TTC39B: variants seen among roughly 807,000 people sequenced by gnomAD.
The protein encoded by TTC39B is tetratricopeptide repeat domain 39B.
Under a neutral mutation model 96.6 loss-of-function variants are expected in TTC39B, and 92 were observed. That is an observed-to-expected ratio of 0.95 (90% CI 0.80 to 1.13). TTC39B has a LOEUF of 1.13. Ranked by LOEUF, TTC39B falls within the 50% of genes most tolerant of loss-of-function variation. The pLI, the probability that TTC39B is intolerant of heterozygous loss-of-function variation, is 0.00. For missense variants in TTC39B, 955 were observed against 809.3 expected, an observed-to-expected ratio of 1.18 and a Z score of -2.18; for synonymous variants, 367 against 299.4, an observed-to-expected ratio of 1.23 and a Z score of -2.33.
chr9:15,216,055 G>T (rs1030366413), intron 3 of TTC39B, among the ~76,000 whole-genome samples: 1 of 151,950 alleles, frequency 6.6e-6, no homozygotes, highest in Non-Finnish European at 1.5e-5. Context: ...CTCCTCGCAG[G>T]TCTTCTCAAG....
chr9:15,164,664 C>T (rs1430484399), exon 20 of TTC39B: 1 of 151,602 alleles, frequency 6.6e-6, no homozygotes, highest in Non-Finnish European at 1.5e-5. Flanking sequence ...TGAACATCTG[C>T]AAATCAATAT....
intron 7 of TTC39B, among the ~76,000 whole-genome samples, chr9:15,202,347 C>T (rs67284930): frequency 0.12 from 18,226 of 151,970 alleles, 1,641 homozygotes; most frequent in East Asian, 0.51. Flanking sequence ...ACAGTGATTC[C>T]GTTTTACTAA....
At chr9:15,305,016 A>G (rs576399698) in intron 1 of TTC39B, among the ~76,000 whole-genome samples, 1 of 152,150 alleles carries the variant, frequency 6.6e-6, no homozygotes, top group African/African-American at 2.4e-5. Flanking sequence ...TATCAATATC[A>G]AATAAAGACT....
At position 15,270,738 on chromosome 9, in the gene TTC39B, T is replaced by C. The variant is rs1823317922; in HGVS notation, c.241-2790A>G. Among the ~76,000 whole-genome samples, 3 of 123,686 alleles carry C rather than the reference T, an allele frequency of 2.4e-5. No individual in the cohort carries two copies. In the South Asian group the frequency reaches 7.5e-4, roughly 31 times the overall value. The allele number at this position is 123,686 out of a possible 152,430, so 81.1% of individuals were successfully genotyped here. On this transcript the variant is annotated intron_variant, in intron 1 of 19. Coordinates refer to ENST00000512701, the Ensembl canonical transcript of TTC39B. ...CAGTATAGTAAGACCCTGTATCTAA[T>C]AACTTTTTTATTTAAAAAAAAAAAC...
intron 3 of TTC39B, among the ~76,000 whole-genome samples, chr9:15,218,967 G>A (rs932745032): frequency 2.6e-5 from 4 of 151,902 alleles, no homozygotes; most frequent in African/African-American, 4.8e-5. Context: ...ATTTTTACTC[G>A]CTTATGTTAG....
intron 3 of TTC39B, among the ~76,000 whole-genome samples, chr9:15,221,722 G>T (rs1304225680): frequency 2.0e-5 from 3 of 152,182 alleles, no homozygotes; most frequent in African/African-American, 4.8e-5. Context: ...TTAACAGAAA[G>T]AGTTGGGTTT....
At chr9:15,262,351 A>G (rs1037315707) in intron 2 of TTC39B, among the ~76,000 whole-genome samples, 2 of 152,112 alleles carry the variant, frequency 1.3e-5, no homozygotes, top group Non-Finnish European at 2.9e-5. Flanking sequence ...CACCCACCTC[A>G]GCCTCCCAAA....
At chr9:15,209,527 T>C (rs1213315639) in intron 6 of TTC39B, among the ~76,000 whole-genome samples, 1 of 152,210 alleles carries the variant, frequency 6.6e-6, no homozygotes, top group African/African-American at 2.4e-5. Flanking sequence ...CTGACCTATA[T>C]GTAGAAAAAA....
intron 2 of TTC39B, among the ~76,000 whole-genome samples, chr9:15,246,255 T>C (rs754678331): frequency 2.7e-4 from 41 of 152,060 alleles, no homozygotes; most frequent in Admixed American, 7.9e-4. Context: ...GGAAACTCCA[T>C]CTCAAAAAAT....
At chr9:15,256,267 A>G (rs1390277138) in intron 2 of TTC39B, among the ~76,000 whole-genome samples, 6 of 152,000 alleles carry the variant, frequency 3.9e-5, no homozygotes, top group Admixed American at 2.0e-4. Context: ...TCTATGAGGA[A>G]TGGGCCCTCA....
intron 2 of TTC39B, among the ~76,000 whole-genome samples, chr9:15,253,081 G>A (rs1004352678): frequency 3.9e-5 from 6 of 152,304 alleles, no homozygotes; most frequent in African/African-American, 1.4e-4. Context: ...AAACATATGT[G>A]TATCGTTCCA....
At chr9:15,240,822 T>C (rs1053683673) in intron 2 of TTC39B, among the ~76,000 whole-genome samples, 1 of 152,178 alleles carries the variant, frequency 6.6e-6, no homozygotes, top group African/African-American at 2.4e-5. Context: ...AAAAAGTCAG[T>C]TCTTGAATGT....
exon 20 of TTC39B, chr9:15,169,818 T>C (rs1817595171): frequency 6.6e-6 from 1 of 152,166 alleles, no homozygotes; most frequent in Non-Finnish European, 1.5e-5. Flanking sequence ...TTTATATTTG[T>C]TTAGTAATGC....
chr9:15,220,201 G>A (rs774551944), intron 3 of TTC39B, among the ~76,000 whole-genome samples: 3 of 152,160 alleles, frequency 2.0e-5, no homozygotes, highest in Admixed American at 6.5e-5. Context: ...CAAGTCCCCT[G>A]CACCTGTGGA....
At chr9:15,170,646 G>A (rs113854994) in exon 20 of TTC39B, 6 of 152,184 alleles carry the variant, frequency 3.9e-5, no homozygotes, top group African/African-American at 1.2e-4. Context: ...AGATGAACTC[G>A]TGACTCCCAA....
exon 3 of TTC39B, chr9:15,225,925 A>G: frequency 6.2e-7 from 1 of 1,613,726 alleles, no homozygotes; most frequent in South Asian, 1.1e-5. Flanking sequence ...ACCTGCTGAC[A>G]GTAGACGCTC....
At chr9:15,267,872 A>T (rs189857662) in intron 2 of TTC39B, 42 bp downstream of exon 2, 1 of 1,546,084 alleles carries the variant, frequency 6.5e-7, no homozygotes, top group Non-Finnish European at 8.9e-7. Flanking sequence ...GACAACCATC[A>T]ATTTTTCCTT....
intron 2 of TTC39B, among the ~76,000 whole-genome samples, chr9:15,253,246 G>C (rs970635933): frequency 6.6e-6 from 1 of 152,174 alleles, no homozygotes; most frequent in African/African-American, 2.4e-5. Context: ...ATTTGAGTGG[G>C]CCCTAAAGGC....
intron 1 of TTC39B, among the ~76,000 whole-genome samples, chr9:15,277,502 T>C (rs899931917): frequency 2.0e-5 from 3 of 152,164 alleles, no homozygotes; most frequent in Admixed American, 6.5e-5. Flanking sequence ...CCATAAGTTA[T>C]GGAACCTCTG....
Sources: gnomAD v4.1 joint callset for allele counts (sites outside exome capture counted in the v4.1 genomes callset) on GRCh38, gnomAD v4.1.1 for gene constraint, MANE v1.5 for transcripts, NCBI Gene and HGNC (gene_info 2026-07-23, HGNC 2026-07-21) for gene names.